Variants in ITGA9 observed in about 807,000 individuals in gnomAD.
The protein encoded by ITGA9 is integrin alpha-9.
ITGA9 carries 56 observed loss-of-function variants against 127.8 expected under a neutral mutation model. That is an observed-to-expected ratio of 0.44 (90% CI 0.35 to 0.55). The LOEUF is 0.55. Among genes scored for constraint, ITGA9 ranks in the 20% least tolerant of loss-of-function variants. ITGA9 has a pLI of 0.00. For missense variants in ITGA9, 1,196 were observed against 1,347.1 expected (o/e 0.89, Z 1.76); for synonymous variants, 508 against 514.5 (o/e 0.99, Z 0.17).
In ITGA9 at chr3:37,533,678, C is replaced by G. The variant is rs77496296; in HGVS notation, c.1528+210C>G. Among the ~76,000 whole-genome samples the G allele has an allele frequency of 3.3e-3, 504 of 152,294 alleles. 3 individuals are homozygous for G. The highest frequency in any genetic ancestry group is 4.9e-3 in the Non-Finnish European group (335 of 68,030). On this transcript the variant is annotated intron_variant, in intron 14 of 27. Transcript: ENST00000264741. ...TGTCACACAACCTCCAGCTCTAGGA[C>G]AAATAATGTTGGACCCCAAGCATTC...
chr3:37,545,967 T>G (rs1024531506), intron 15 of ITGA9, among the ~76,000 whole-genome samples: 7 of 152,236 alleles, frequency 4.6e-5, no homozygotes, highest in African/African-American at 1.4e-4. Flanking sequence ...TTGTGTCATA[T>G]TCATGTAGAA....
intron 16 of ITGA9, among the ~76,000 whole-genome samples, chr3:37,636,128 A>G (rs373407719): frequency 1.3e-5 from 2 of 152,226 alleles, no homozygotes; most frequent in East Asian, 3.9e-4. Flanking sequence ...ATGATTTATA[A>G]TCCTTTGGGT....
chr3:37,626,990 C>A (rs1700181905), intron 15 of ITGA9, among the ~76,000 whole-genome samples: 1 of 152,164 alleles, frequency 6.6e-6, no homozygotes, highest in South Asian at 2.1e-4. Context: ...CGCGGGCAGT[C>A]TTCAAATTCT....
At chr3:37,805,395 T>G (rs997101166) in intron 27 of ITGA9, among the ~76,000 whole-genome samples, 36 of 152,276 alleles carry the variant, frequency 2.4e-4, no homozygotes, top group African/African-American at 8.2e-4. Flanking sequence ...TATTTTTCCC[T>G]GAAGACAGTA....
intron 15 of ITGA9, among the ~76,000 whole-genome samples, chr3:37,571,364 CAA>C (rs150330128): frequency 0.012 from 1,780 of 152,232 alleles, 45 homozygotes; most frequent in African/African-American, 0.041. Context: ...GACAATTGGA[CAA>C]AAAGGCTGGG....
intron 17 of ITGA9, among the ~76,000 whole-genome samples, chr3:37,656,666 T>A (rs900815119): frequency 1.3e-5 from 2 of 152,164 alleles, no homozygotes; most frequent in Non-Finnish European, 2.9e-5. Flanking sequence ...TCTTTTCCTA[T>A]TTGAATACCC....
In ITGA9 at chr3:37,748,767, AG is replaced by A. The variant is rs1696541544; in HGVS notation, c.2434-1694del. On this transcript the variant is annotated intron_variant, in intron 22 of 27. Coordinates refer to ENST00000264741, the MANE Select transcript of ITGA9 (RefSeq NM_002207.3). ...TGTCTTAAAAAAAAAAAAAAAAAAA[AG>A]AAGGAAGCCAAACAGAAAGATACCT... is the stretch of plus-strand genomic sequence containing the variant. The A allele has an allele frequency of 5.3e-4, 329 of 626,346 alleles. 2 individuals are homozygous for A. The highest frequency in any genetic ancestry group is 5.0e-3 in the South Asian group (282 of 56,582). The allele number at this position is 626,346 out of a possible 1,614,324, so 38.8% of individuals were successfully genotyped here.
At chr3:37,739,085 A>G (rs1267043430) in intron 20 of ITGA9, among the ~76,000 whole-genome samples, 1 of 152,212 alleles carries the variant, frequency 6.6e-6, no homozygotes, top group African/African-American at 2.4e-5. Context: ...AAGGCTAAGA[A>G]CCACTATTTA....
At chr3:37,512,193 T>C (rs1411472474) in intron 8 of ITGA9, among the ~76,000 whole-genome samples, 1 of 53,578 alleles carries the variant, frequency 1.9e-5, no homozygotes, top group African/African-American at 6.8e-5. Flanking sequence ...TCTTTTCTTT[T>C]CTTTTCTTTT....
chr3:37,756,183 C>T (rs566905945), intron 23 of ITGA9, among the ~76,000 whole-genome samples: 1 of 148,242 alleles, frequency 6.7e-6, no homozygotes, highest in African/African-American at 2.5e-5. Context: ...AAATATTAAC[C>T]CAAAGAAATA....
intron 23 of ITGA9, among the ~76,000 whole-genome samples, chr3:37,771,253 C>T (rs1696840612): frequency 6.6e-6 from 1 of 152,194 alleles, no homozygotes; most frequent in South Asian, 2.1e-4. Context: ...CTTGGGTTGT[C>T]TGCAACACAT....
intron 18 of ITGA9, among the ~76,000 whole-genome samples, chr3:37,704,488 A>G (rs1468062383): frequency 6.6e-6 from 1 of 152,222 alleles, no homozygotes; most frequent in Non-Finnish European, 1.5e-5. Context: ...AGCATGGTCT[A>G]TCCTGTTTTC....
At chr3:37,756,912 A>G (rs563695334) in intron 23 of ITGA9, among the ~76,000 whole-genome samples, 1 of 152,336 alleles carries the variant, frequency 6.6e-6, no homozygotes, top group East Asian at 1.9e-4. Context: ...ACACCATTCA[A>G]ATTAACTTTT....
chr3:37,774,431 A>G (rs1238235219), intron 23 of ITGA9, among the ~76,000 whole-genome samples: 1 of 151,988 alleles, frequency 6.6e-6, no homozygotes, highest in Admixed American at 6.6e-5. Flanking sequence ...GCAGTGGCTC[A>G]TGCCTATAAT....
intron 5 of ITGA9, among the ~76,000 whole-genome samples, chr3:37,500,927 T>G (rs1223816047): frequency 1.3e-5 from 2 of 152,162 alleles, no homozygotes; most frequent in Non-Finnish European, 2.9e-5. Flanking sequence ...TCTTTGGAGT[T>G]TTGTCTATAG....
chr3:37,587,654 G>T lies in ITGA9; in HGVS notation c.1690-41533G>T, dbSNP rs79140769. On this transcript the variant is annotated intron_variant, in intron 15 of 27. Transcript: ENST00000264741. ...TACTGAGTACTGCATTTATTTGCTA[G>T]GGGTGCAAAAATAAAGTCTAATAAT... Among the ~76,000 whole-genome samples, 482 of 152,022 alleles carry T rather than the reference G, an allele frequency of 3.2e-3. 2 individuals are homozygous for T. The highest frequency in any genetic ancestry group is 0.011 in the African/African-American group (457 of 41,450).
chr3:37,560,443 T>A (rs1699475945), intron 15 of ITGA9, among the ~76,000 whole-genome samples: 1 of 152,186 alleles, frequency 6.6e-6, no homozygotes, highest in African/African-American at 2.4e-5. Flanking sequence ...GTAGCATGAT[T>A]TATAATCCTT....
At chr3:37,575,468 A>C (rs1239189661) in intron 15 of ITGA9, among the ~76,000 whole-genome samples, 1 of 152,180 alleles carries the variant, frequency 6.6e-6, no homozygotes, top group Non-Finnish European at 1.5e-5. Context: ...AGTGCTGACT[A>C]TACCCAGGCA....
At chr3:37,776,639 T>C (rs558572249) in intron 23 of ITGA9, among the ~76,000 whole-genome samples, 11 of 152,200 alleles carry the variant, frequency 7.2e-5, no homozygotes, top group Non-Finnish European at 1.5e-4. Flanking sequence ...AAGAGTGCTG[T>C]TCTTAAGGAA....
Sources: gnomAD v4.1 joint callset for allele counts (sites outside exome capture counted in the v4.1 genomes callset) on GRCh38, gnomAD v4.1.1 for gene constraint, MANE v1.5 for transcripts, NCBI Gene and HGNC (gene_info 2026-07-23, HGNC 2026-07-21) for gene names.